The following TFDP2 variants were observed in gnomAD, a reference collection of about 807,000 sequenced individuals.
TFDP2 encodes transcription factor Dp-2.
In TFDP2, 17 loss-of-function variants were observed where a neutral mutation model predicts 59.3. The observed-to-expected ratio is 0.29, with a 90% confidence interval of 0.20 to 0.43. The LOEUF is 0.43. Among genes scored for constraint, TFDP2 ranks in the 20% least tolerant of loss-of-function variants. The pLI, the probability that TFDP2 is intolerant of heterozygous loss-of-function variation, is 1.00. For synonymous variants in TFDP2, 180 were observed against 194.7 expected, an observed-to-expected ratio of 0.92 and a Z score of 0.63; for missense variants, 391 against 528.8, an observed-to-expected ratio of 0.74 and a Z score of 2.56.
intron 1 of TFDP2, among the ~76,000 whole-genome samples, chr3:142,148,903 G>A (rs1468195814): frequency 6.6e-6 from 1 of 152,234 alleles, no homozygotes; most frequent in African/African-American, 2.4e-5. Flanking sequence ...CGAGAAAGTA[G>A]AAAGCAGCCC....
intron 3 of TFDP2, among the ~76,000 whole-genome samples, chr3:142,034,661 C>T (rs78274982): frequency 0.057 from 8,627 of 151,836 alleles, 304 homozygotes; most frequent in Middle Eastern, 0.11. Flanking sequence ...TGTATCTGGC[C>T]TTGCTGATCT....
At chr3:142,034,257 G>T (rs1946573290) in intron 3 of TFDP2, among the ~76,000 whole-genome samples, 1 of 151,782 alleles carries the variant, frequency 6.6e-6, no homozygotes, top group South Asian at 2.1e-4. Context: ...CACCACGCCT[G>T]GCTAATTTTT....
rs11569183 is a variant in TFDP2 at position 142,012,800 on chromosome 3, T to A, written c.83-7256A>T. Among the ~76,000 whole-genome samples, 51 of 152,240 alleles carry A rather than the reference T, an allele frequency of 3.3e-4. 1 individual carries two copies. Among genetic ancestry groups the A allele is most frequent in the African/African-American group, 1.2e-3 (48 of 41,560 alleles). On this transcript the variant is annotated intron_variant, in intron 3 of 12. Coordinates refer to ENST00000489671, the MANE Select transcript of TFDP2 (RefSeq NM_001178139.2). ...CATTTGTTTTATACATTTTATTATT[T>A]AAAAAAACATTTTATGAAGATGCAT...
intron 3 of TFDP2, among the ~76,000 whole-genome samples, chr3:142,011,033 G>A (rs1446549174): frequency 1.2e-5 from 1 of 81,632 alleles, no homozygotes; most frequent in Non-Finnish European, 2.5e-5. Flanking sequence ...TCAGTGTGGC[G>A]ATTCCTCAGG....
At chr3:142,013,291 T>C (rs1409287286) in intron 3 of TFDP2, among the ~76,000 whole-genome samples, 3 of 152,164 alleles carry the variant, frequency 2.0e-5, no homozygotes, top group Non-Finnish European at 4.4e-5. Flanking sequence ...GTTAAAAGGA[T>C]TCCACTAGAA....
rs75545174 is a variant in TFDP2, at chr3:141,988,686, T to C, written c.356+4852A>G. On this transcript the variant is annotated intron_variant, in intron 6 of 12. Coordinates refer to ENST00000489671, the MANE Select transcript of TFDP2 (RefSeq NM_001178139.2). ...TTTCTTTTCTTTTTTTTTTTTTTTT[T>C]TGAGATGGAGTCTCACTCTGTCGTC... is the stretch of plus-strand genomic sequence containing the variant. Among the ~76,000 whole-genome samples, 22 of 146,666 alleles carry C rather than the reference T, an allele frequency of 1.5e-4. 1 individual carries two copies. Among genetic ancestry groups the C allele is most frequent in the African/African-American group, 5.4e-4 (22 of 40,642 alleles).
chr3:142,075,921 A>G (rs1297483025), intron 3 of TFDP2, among the ~76,000 whole-genome samples: 1 of 150,744 alleles, frequency 6.6e-6, no homozygotes, highest in African/African-American at 2.4e-5. Context: ...AAAAAAAAAA[A>G]AAAGGCTTTC....
chr3:141,998,380 T>G (rs11708301), intron 4 of TFDP2, among the ~76,000 whole-genome samples: 10,644 of 151,928 alleles, frequency 0.07, 471 homozygotes, highest in Non-Finnish European at 0.11. Context: ...CTAAGGCAGG[T>G]GAGGTAGGCT....
intron 8 of TFDP2, among the ~76,000 whole-genome samples, chr3:141,972,404 C>T (rs984211965): frequency 2.6e-5 from 4 of 152,150 alleles, no homozygotes; most frequent in African/African-American, 9.7e-5. Flanking sequence ...AAAAAACATC[C>T]TATCAACCCT....
chr3:142,063,526 T>C (rs2059983209), intron 3 of TFDP2, among the ~76,000 whole-genome samples: 1 of 152,220 alleles, frequency 6.6e-6, no homozygotes, highest in African/African-American at 2.4e-5. Flanking sequence ...ATGATAAACA[T>C]CTCTGTCTGT....
At chr3:141,990,843 G>A (rs1942686781) in intron 6 of TFDP2, among the ~76,000 whole-genome samples, 3 of 152,062 alleles carry the variant, frequency 2.0e-5, no homozygotes, top group Admixed American at 2.0e-4. Context: ...AGATTGCAAG[G>A]TCAGGAGATC....
In TFDP2 at chr3:141,964,056, ATTAGAGT is replaced by A. The variant is rs1185703189; in HGVS notation, c.733-100_733-94del. On this transcript the variant is annotated intron_variant, in intron 9 of 12. Transcript: ENST00000489671. The stretch of plus-strand genomic sequence containing the variant: ...ATAATACCTTTAAATATAGTTTAAA[ATTAGAGT>A]TTAAAGAGACATCCCGCCTGCACTA... 3.2e-6 allele frequency: 4 copies of A among 1,240,882 alleles called. No individual in the cohort carries two copies. The African/African-American group carries it at 6.1e-5, about 19-fold the overall frequency. The allele number at this position is 1,240,882 out of a possible 1,614,324, so 76.9% of individuals were successfully genotyped here. A position where few individuals can be genotyped will look rare whatever the true frequency, so the allele number is the denominator to read the frequency against.
intron 3 of TFDP2, among the ~76,000 whole-genome samples, chr3:142,009,375 A>G (rs1244075307): frequency 6.6e-6 from 1 of 152,134 alleles, no homozygotes; most frequent in Non-Finnish European, 1.5e-5. Context: ...TGGTATTATC[A>G]AATAAAGTTT....
intron 10 of TFDP2, among the ~76,000 whole-genome samples, chr3:141,963,463 A>G (rs1937562197): frequency 1.3e-5 from 2 of 152,214 alleles, no homozygotes; most frequent in African/African-American, 4.8e-5. Flanking sequence ...GTGAATCACC[A>G]ATGAATCTAC....
At chr3:142,026,274 G>C (rs1303847839) in intron 3 of TFDP2, among the ~76,000 whole-genome samples, 1 of 151,896 alleles carries the variant, frequency 6.6e-6, no homozygotes, top group African/African-American at 2.4e-5. Flanking sequence ...TGAATGGTGT[G>C]AACCTGGGAC....
intron 3 of TFDP2, among the ~76,000 whole-genome samples, chr3:142,042,228 A>G (rs1398823003): frequency 1.3e-5 from 2 of 151,682 alleles, no homozygotes; most frequent in African/African-American, 4.8e-5. Flanking sequence ...CTTCAACACT[A>G]TCGCTTATTG....
chr3:142,111,676 CTAA>C (rs2061670027), intron 1 of TFDP2, among the ~76,000 whole-genome samples: 1 of 152,046 alleles, frequency 6.6e-6, no homozygotes, highest in East Asian at 1.9e-4. Context: ...AAGGAAGGTC[CTAA>C]TAATACGTGC....
In TFDP2 at chr3:142,044,430, T is replaced by G. The variant is rs554748951; in HGVS notation, c.83-38886A>C. Among the ~76,000 whole-genome samples the G allele has an allele frequency of 3.3e-5, 5 of 152,142 alleles. No individual in the cohort carries two copies. The South Asian group carries it at 1.0e-3, about 32-fold the overall frequency. On this transcript the variant is annotated intron_variant, in intron 3 of 12. Transcript: ENST00000489671. ...TCTGTATTTTTACTAGAGATGGGGT[T>G]TCATCATGTTGGCCAGGATGGTCTC...
intron 3 of TFDP2, among the ~76,000 whole-genome samples, chr3:142,087,641 C>T (rs1254433847): frequency 6.6e-6 from 1 of 151,714 alleles, no homozygotes; most frequent in Non-Finnish European, 1.5e-5. Context: ...GCTGGGACTA[C>T]AGGTACACGC....
Sources: gnomAD v4.1 joint callset for allele counts (sites outside exome capture counted in the v4.1 genomes callset) on GRCh38, gnomAD v4.1.1 for gene constraint, MANE v1.5 for transcripts, NCBI Gene and HGNC (gene_info 2026-07-23, HGNC 2026-07-21) for gene names.